MAD1L1: variants seen among roughly 807,000 people sequenced by gnomAD.
MAD1L1 encodes mitotic spindle assembly checkpoint protein MAD1.
A neutral mutation model predicts 96.9 loss-of-function variants in MAD1L1; 95 were observed. That is an observed-to-expected ratio of 0.98 (90% CI 0.83 to 1.16). The LOEUF is 1.16. Among genes scored for constraint, MAD1L1 ranks in the 50% most tolerant of loss-of-function variants. The probability of loss-of-function intolerance (pLI) is 0.00; values close to 1 mark genes in which losing one functional copy is unlikely to be tolerated. For missense variants in MAD1L1, 1,007 were observed against 954.4 expected, an observed-to-expected ratio of 1.06 and a Z score of -0.73; for synonymous variants, 473 against 396.6, an observed-to-expected ratio of 1.19 and a Z score of -2.29.
In MAD1L1 at chr7:2,146,126, A is replaced by T. The variant is rs1288560943; in HGVS notation, c.1073+3026T>A. ...CATCTTCTAAAAGCCAAGCTCCTGAAAACAGGCACACGAATGACCCAGCCG... is the reference window on the plus strand; with the variant it reads ...CATCTTCTAAAAGCCAAGCTCCTGATAACAGGCACACGAATGACCCAGCCG... On this transcript the variant is annotated intron_variant, in intron 11 of 18. Coordinates refer to ENST00000265854, the MANE Select transcript of MAD1L1 (RefSeq NM_001013836.2). This position sits in a 1 kb window ranked among gnomAD's most constrained non-coding sequence, Gnocchi z 6.2. 6.6e-6 allele frequency among the ~76,000 whole-genome samples: 1 copy of T among 152,220 alleles called. No homozygotes were observed. Among genetic ancestry groups the T allele is most frequent in the Non-Finnish European group, 1.5e-5 (1 of 68,040 alleles).
At chr7:1,965,715 GCTCT>G (rs1780138093) in intron 15 of MAD1L1, among the ~76,000 whole-genome samples, 1 of 152,270 alleles carries the variant, frequency 6.6e-6, no homozygotes, top group Non-Finnish European at 1.5e-5. Context: ...CAGGAGCCGT[GCTCT>G]CTGTCTGAAG....
At chr7:1,840,220 G>A (rs187773433) in intron 18 of MAD1L1, among the ~76,000 whole-genome samples, 99 of 152,296 alleles carry the variant, frequency 6.5e-4, no homozygotes, top group East Asian at 1.4e-3. Context: ...CCCTGGAGCC[G>A]GTGAGCGTGA....
chr7:2,039,982 G>A (rs896867834), intron 12 of MAD1L1, among the ~76,000 whole-genome samples: 27 of 152,284 alleles, frequency 1.8e-4, no homozygotes, highest in African/African-American at 6.3e-4. Flanking sequence ...CCTAAAGTTG[G>A]TTCTGTGAGA....
At chr7:2,202,452 C>A (rs1792364272) in intron 10 of MAD1L1, among the ~76,000 whole-genome samples, 1 of 152,216 alleles carries the variant, frequency 6.6e-6, no homozygotes, top group Non-Finnish European at 1.5e-5. Flanking sequence ...ACGCACAGGC[C>A]TGAGGGATCC....
Position 1,909,774 on chromosome 7 carries a change from T to C in MAD1L1, c.1808-11384A>G, listed in dbSNP as rs529286640. ...AGGGCCTGCTGCTGCCCCAAGAAGATGGTCGCTTCAACTCTGCTGGTACCA... is the reference window on the plus strand; with the variant it reads ...AGGGCCTGCTGCTGCCCCAAGAAGACGGTCGCTTCAACTCTGCTGGTACCA... On this transcript the variant is annotated intron_variant, in intron 17 of 18. Coordinates refer to ENST00000265854, the MANE Select transcript of MAD1L1 (RefSeq NM_001013836.2). 2.6e-5 allele frequency among the ~76,000 whole-genome samples: 4 copies of C among 152,328 alleles called. No homozygotes were observed. In the South Asian group the frequency reaches 8.3e-4, roughly 32 times the overall value.
At chr7:2,125,288 G>T (rs1288542893) in intron 11 of MAD1L1, among the ~76,000 whole-genome samples, 2 of 152,098 alleles carry the variant, frequency 1.3e-5, no homozygotes, top group Non-Finnish European at 2.9e-5. Context: ...GTGGGTGGGG[G>T]TGGTGCCCCT....
At chr7:2,125,987 G>A (rs1000258866) in intron 11 of MAD1L1, among the ~76,000 whole-genome samples, 2 of 152,270 alleles carry the variant, frequency 1.3e-5, no homozygotes, top group Non-Finnish European at 1.5e-5. Flanking sequence ...AGTGGGGCCA[G>A]GCGGCCTCCT....
intron 18 of MAD1L1, among the ~76,000 whole-genome samples, chr7:1,879,770 G>T (rs572134495): frequency 6.6e-6 from 1 of 152,108 alleles, no homozygotes; most frequent in African/African-American, 2.4e-5. Flanking sequence ...TCACTCTGTC[G>T]CCCAAGCTGG....
At chr7:2,108,837 C>T (rs1195584200) in intron 11 of MAD1L1, among the ~76,000 whole-genome samples, 1 of 152,246 alleles carries the variant, frequency 6.6e-6, no homozygotes, top group Non-Finnish European at 1.5e-5. Context: ...CAGAAATGGG[C>T]CCAGGTGGCC....
intron 14 of MAD1L1, among the ~76,000 whole-genome samples, chr7:1,987,498 C>A (rs1781207900): frequency 6.6e-6 from 1 of 152,044 alleles, no homozygotes; most frequent in African/African-American, 2.4e-5. Flanking sequence ...GCCCCGGAGT[C>A]TGCTCTGCTG....
intron 18 of MAD1L1, among the ~76,000 whole-genome samples, chr7:1,897,043 G>A (rs4721174): frequency 0.058 from 8,770 of 152,346 alleles, 590 homozygotes; most frequent in African/African-American, 0.16. Flanking sequence ...AGAAATGGAT[G>A]ACTGTGATCT....
chr7:2,185,660 G>C (rs1214320874), intron 10 of MAD1L1, among the ~76,000 whole-genome samples: 1 of 151,834 alleles, frequency 6.6e-6, no homozygotes, highest in Non-Finnish European at 1.5e-5. Context: ...AATGCTTCTA[G>C]ATTTCTAAAC....
At chr7:1,897,049 G>A (rs1024734195) in intron 18 of MAD1L1, among the ~76,000 whole-genome samples, 1 of 151,826 alleles carries the variant, frequency 6.6e-6, no homozygotes, top group Non-Finnish European at 1.5e-5. Flanking sequence ...GGATGACTGT[G>A]ATCTGAGAAG....
chr7:1,944,325 G>A (rs990711704), intron 16 of MAD1L1, among the ~76,000 whole-genome samples: 8 of 152,184 alleles, frequency 5.3e-5, no homozygotes, highest in Non-Finnish European at 1.0e-4. Context: ...CATAAAAGTC[G>A]CTGAACTGCC....
At chr7:2,227,665 T>C (rs1446088924) in intron 3 of MAD1L1, among the ~76,000 whole-genome samples, 1 of 152,202 alleles carries the variant, frequency 6.6e-6, no homozygotes, top group African/African-American at 2.4e-5. Context: ...AGCCCACACT[T>C]CCTTTACTCC....
At chr7:2,164,603 G>T (rs1213445209) in intron 10 of MAD1L1, among the ~76,000 whole-genome samples, 1 of 146,748 alleles carries the variant, frequency 6.8e-6, no homozygotes, top group South Asian at 2.3e-4. Flanking sequence ...TGGGGGGGGG[G>T]GGGGTTGCGG....
intron 11 of MAD1L1, among the ~76,000 whole-genome samples, chr7:2,081,930 G>C (rs1371455980): frequency 6.6e-6 from 1 of 152,226 alleles, no homozygotes; most frequent in Non-Finnish European, 1.5e-5. Flanking sequence ...CCAAGGTCAG[G>C]AGCAATAACA....
chr7:1,939,516 GA>G (rs1778839212), intron 16 of MAD1L1, among the ~76,000 whole-genome samples: 1 of 147,520 alleles, frequency 6.8e-6, no homozygotes, highest in African/African-American at 2.5e-5. Context: ...GTCAGGCACA[GA>G]CATGACCATG....
At chr7:2,107,832 G>A (rs914055636) in intron 11 of MAD1L1, 1 of 152,282 alleles carries the variant, frequency 6.6e-6, no homozygotes, top group African/African-American at 2.4e-5. Context: ...ACAGTGATGG[G>A]TGAAAATGGT....
Sources: gnomAD v4.1 joint callset for allele counts (sites outside exome capture counted in the v4.1 genomes callset) on GRCh38, gnomAD v4.1.1 for gene constraint, Gnocchi (gnomAD v3.1) non-coding constraint, MANE v1.5 for transcripts, NCBI Gene and HGNC (gene_info 2026-07-23, HGNC 2026-07-21) for gene names.